Variants in DCAF12 observed in about 807,000 individuals in gnomAD.
DCAF12 encodes the protein DDB1 and CUL4 associated factor 12.
DCAF12 carries 28 observed loss-of-function variants against 52.8 expected under a neutral mutation model. That is an observed-to-expected ratio of 0.53 (90% CI 0.39 to 0.73). The LOEUF is 0.73. DCAF12 is among the 30% of genes least tolerant of loss of function. The pLI, the probability that DCAF12 is intolerant of heterozygous loss-of-function variation, is 0.00. For missense variants in DCAF12, 425 were observed against 552.2 expected (o/e 0.77, Z 2.31); for synonymous variants, 196 against 215.5 (o/e 0.91, Z 0.79).
intron 5 of DCAF12, among the ~76,000 whole-genome samples, chr9:34,097,413 C>T (rs951361678): frequency 4.0e-5 from 6 of 151,860 alleles, no homozygotes; most frequent in African/African-American, 1.4e-4. Flanking sequence ...TGCCACCATG[C>T]CTGGCTAATT....
intron 2 of DCAF12, among the ~76,000 whole-genome samples, chr9:34,122,215 C>A (rs893683734): frequency 6.6e-6 from 1 of 152,132 alleles, no homozygotes; most frequent in African/African-American, 2.4e-5. Flanking sequence ...CCAGAAAGTA[C>A]ACATATAATC....
intron 2 of DCAF12, among the ~76,000 whole-genome samples, chr9:34,115,076 T>C (rs1411416785): frequency 6.6e-6 from 1 of 152,124 alleles, no homozygotes; most frequent in African/African-American, 2.4e-5. Context: ...AAAGTAATTC[T>C]ACGCAGGTCA....
At chr9:34,119,780 C>T (rs1829143499) in intron 2 of DCAF12, among the ~76,000 whole-genome samples, 2 of 150,062 alleles carry the variant, frequency 1.3e-5, no homozygotes, top group Admixed American at 1.3e-4. Flanking sequence ...CATTTAACTG[C>T]AGCCTCCACT....
At chr9:34,103,138 G>A (rs1251991071) in intron 4 of DCAF12, among the ~76,000 whole-genome samples, 15 of 149,076 alleles carry the variant, frequency 1.0e-4, no homozygotes, top group Admixed American at 8.0e-4. Context: ...ACAGCTGGGC[G>A]CAGTGGCTCA....
At chr9:34,099,586 A>C (rs546298329) in intron 4 of DCAF12, among the ~76,000 whole-genome samples, 5 of 145,184 alleles carry the variant, frequency 3.4e-5, no homozygotes, top group East Asian at 4.1e-4. Context: ...TTTCTTTTTT[A>C]TTTTTCTTTT....
intron 6 of DCAF12, chr9:34,096,343 A>G (rs1434851702): frequency 5.0e-6 from 1 of 199,028 alleles, no homozygotes; most frequent in African/African-American, 2.3e-5. Context: ...CCATGACTGC[A>G]CTCCAACTTG....
In DCAF12 at chr9:34,107,552, T is replaced by C. The variant is rs1285438526; in HGVS notation, c.347A>G (p.Asp116Gly). ...CTTGGTGATCTGGCTTGTCTGGACA[T>C]CTACGACAAATAGCTACAAGAAAAA... Reference protein sequence around the residue: ...GTKCNTLFVVDVQTSQITKIP... With the variant: ...GTKCNTLFVVGVQTSQITKIP... The change falls in exon 3 of 9, where the codon GAT (aspartate) becomes GGT (glycine). Residue 116 changes from aspartate (D) to glycine (G), a missense_variant. Physicochemically the swap from Asp to Gly is moderately conservative, Grantham distance 94 (BLOSUM62 -1). Transcript: ENST00000361264. 6.2e-7 allele frequency: 1 copy of C among 1,613,952 alleles called. No individual in the cohort carries two copies. Among genetic ancestry groups the C allele is most frequent in the Non-Finnish European group, 8.5e-7 (1 of 1,180,014 alleles).
chr9:34,093,085 G>A (rs1164703601), intron 7 of DCAF12, among the ~76,000 whole-genome samples: 1 of 152,214 alleles, frequency 6.6e-6, no homozygotes, highest in Non-Finnish European at 1.5e-5. Flanking sequence ...CCGACCTCAG[G>A]TGATCCACCC....
At chr9:34,105,000 T>C (rs1485518055) in intron 4 of DCAF12, among the ~76,000 whole-genome samples, 2 of 151,656 alleles carry the variant, frequency 1.3e-5, no homozygotes, top group Non-Finnish European at 2.9e-5. Context: ...CTAAAAAATA[T>C]GGGCCAATTT....
intron 7 of DCAF12, among the ~76,000 whole-genome samples, chr9:34,091,222 G>A (rs564210970): frequency 1.4e-4 from 22 of 152,046 alleles, no homozygotes; most frequent in Admixed American, 1.2e-3. Context: ...AGCTACTCAG[G>A]AGGCTAAGGC....
chr9:34,106,903 T>C (rs1040373112), intron 3 of DCAF12, among the ~76,000 whole-genome samples: 1 of 152,200 alleles, frequency 6.6e-6, no homozygotes, highest in Non-Finnish European at 1.5e-5. Context: ...TCAGTCCCTT[T>C]ATGCTGCCTT....
At chr9:34,116,586 A>G (rs1469807525) in intron 2 of DCAF12, among the ~76,000 whole-genome samples, 1 of 152,048 alleles carries the variant, frequency 6.6e-6, no homozygotes, top group Admixed American at 6.6e-5. Flanking sequence ...GAAGCAGGAG[A>G]ATCGCCTGAA....
rs139741935 is a variant in DCAF12, at chr9:34,087,520, T to A, written c.*830A>T. 1.3e-5 allele frequency: 2 copies of A among 152,020 alleles called. No individual in the cohort carries two copies. Among genetic ancestry groups the A allele is most frequent in the African/African-American group, 4.8e-5 (2 of 41,430 alleles). The allele number at this position is 152,020 out of a possible 1,614,324, so 9.4% of individuals were successfully genotyped here. A position where few individuals can be genotyped will look rare whatever the true frequency, so the allele number is the denominator to read the frequency against. On this transcript the variant is annotated 3_prime_UTR_variant, in exon 9 of 9. Transcript: ENST00000361264. ...TCTGGAGCTGCACCTGGATGGTGAG[T>A]CTGATGTTTTAGGGGTGTGGCTACT...
chr9:34,108,824 T>C (rs576813402), intron 2 of DCAF12, among the ~76,000 whole-genome samples: 20 of 146,950 alleles, frequency 1.4e-4, no homozygotes, highest in African/African-American at 4.7e-4. Context: ...TATATATATA[T>C]ATATATGAAT....
intron 7 of DCAF12, chr9:34,089,877 A>G (rs138275854): frequency 8.3e-5 from 24 of 288,316 alleles, no homozygotes; most frequent in Non-Finnish European, 1.4e-4. Flanking sequence ...CGAAGACCAT[A>G]AGTGCTGAGA....
At chr9:34,123,760 G>A (rs201440675) in intron 2 of DCAF12, among the ~76,000 whole-genome samples, 2 of 152,042 alleles carry the variant, frequency 1.3e-5, no homozygotes, top group Non-Finnish European at 2.9e-5. Context: ...TATGATGCAC[G>A]TGCGGGGAGT....
chr9:34,093,610 G>C, intron 6 of DCAF12, 162 bp from the exon 7 acceptor site: 1 of 678,364 alleles, frequency 1.5e-6, no homozygotes, highest in Non-Finnish European at 2.5e-6. Context: ...AGGTATACAG[G>C]AGAAAGAGGA....
chr9:34,107,201 C>A (rs1040343715), intron 3 of DCAF12, among the ~76,000 whole-genome samples, 158 bp downstream of exon 3: 1 of 152,118 alleles, frequency 6.6e-6, no homozygotes, highest in African/African-American at 2.4e-5. Context: ...ATACTGTTGG[C>A]CCCTGAGGTG....
intron 7 of DCAF12, chr9:34,089,929 A>G (rs989241620): frequency 4.8e-6 from 1 of 207,514 alleles, no homozygotes; most frequent in Non-Finnish European, 9.6e-6. Context: ...ATCATCTTTC[A>G]TAACTCTAAG....
Sources: allele counts gnomAD v4.1 joint callset (sites outside exome capture counted in the v4.1 genomes callset), GRCh38; gene constraint gnomAD v4.1.1; transcripts MANE v1.5; gene names NCBI Gene and HGNC (gene_info 2026-07-23, HGNC 2026-07-21).